Variants in CLSTN2 observed in about 807,000 individuals in gnomAD.
CLSTN2 encodes calsyntenin 2.
CLSTN2 carries 48 observed loss-of-function variants against 101.2 expected under a neutral mutation model. The ratio of observed to expected loss-of-function variants is 0.47; its 90% CI spans 0.38 to 0.60. The LOEUF (loss-of-function observed/expected upper bound fraction) is 0.60, where lower values mean the gene tolerates loss of function less well. CLSTN2 is among the 20% of genes least tolerant of loss of function. The pLI is 0.00. For synonymous variants in CLSTN2, 481 were observed against 463.6 expected, an observed-to-expected ratio of 1.04 and a Z score of -0.48; for missense variants, 1,160 against 1,238.2, an observed-to-expected ratio of 0.94 and a Z score of 0.95.
At chr3:140,216,253 C>T (rs939079387) in intron 2 of CLSTN2, among the ~76,000 whole-genome samples, 2 of 152,126 alleles carry the variant, frequency 1.3e-5, no homozygotes, top group African/African-American at 2.4e-5. Context: ...TCCATGAAAC[C>T]GGTCCCTAGT....
chr3:140,463,947 G>A (rs779115861), intron 7 of CLSTN2, among the ~76,000 whole-genome samples: 7 of 152,126 alleles, frequency 4.6e-5, no homozygotes, highest in Non-Finnish European at 8.8e-5. Flanking sequence ...AGCATCTTTC[G>A]CATGAGGAAT....
chr3:140,098,368 A>G (rs563834521), intron 1 of CLSTN2, among the ~76,000 whole-genome samples: 1 of 152,318 alleles, frequency 6.6e-6, no homozygotes, highest in East Asian at 1.9e-4. Flanking sequence ...TTTCCACACC[A>G]TTAAATTTTA....
intron 1 of CLSTN2, among the ~76,000 whole-genome samples, chr3:140,162,474 G>A (rs1222058608): frequency 6.6e-6 from 1 of 152,176 alleles, no homozygotes; most frequent in Non-Finnish European, 1.5e-5. Context: ...GCCCCTGTCA[G>A]TGGTGCCTGA....
chr3:140,471,988 A>G (rs1409604355), intron 8 of CLSTN2, among the ~76,000 whole-genome samples: 1 of 152,224 alleles, frequency 6.6e-6, no homozygotes, highest in African/African-American at 2.4e-5. Context: ...AAAGCCACAC[A>G]ATAATGTGTC....
At chr3:139,989,791 C>T (rs1434270459) in intron 1 of CLSTN2, among the ~76,000 whole-genome samples, 5 of 152,192 alleles carry the variant, frequency 3.3e-5, no homozygotes, top group South Asian at 4.1e-4. Context: ...TCCCACCACC[C>T]GGCCAGTCCA....
intron 1 of CLSTN2, among the ~76,000 whole-genome samples, chr3:140,138,738 T>C (rs1359927430): frequency 6.6e-6 from 1 of 152,242 alleles, no homozygotes; most frequent in Admixed American, 6.5e-5. Flanking sequence ...GGTTCTCCTC[T>C]GCTCCTGGTT....
rs145341950 is a variant in CLSTN2 at position 140,266,110 on chromosome 3, G to A, written c.232+90037G>A. ...AAACAGAGGTGCTGGATTGCTGAGGGTGAATTCCCATATCCTGTGTCTGAT... is the reference window on the plus strand; with the variant it reads ...AAACAGAGGTGCTGGATTGCTGAGGATGAATTCCCATATCCTGTGTCTGAT... On this transcript the variant is annotated intron_variant, in intron 2 of 16. Transcript: ENST00000458420. 1.9e-3 allele frequency among the ~76,000 whole-genome samples: 293 copies of A among 152,212 alleles called. 1 individual carries two copies. Among genetic ancestry groups the A allele is most frequent in the Admixed American group, 6.3e-3 (96 of 15,288 alleles).
intron 2 of CLSTN2, among the ~76,000 whole-genome samples, chr3:140,236,190 A>G (rs140799577): frequency 8.5e-4 from 129 of 152,280 alleles, no homozygotes; most frequent in African/African-American, 3.0e-3. Context: ...CTAAATATCA[A>G]TTTTTTGTGC....
intron 5 of CLSTN2, among the ~76,000 whole-genome samples, chr3:140,438,446 A>AAAAAG (rs1205810010): frequency 3.3e-5 from 5 of 149,910 alleles, no homozygotes; most frequent in Admixed American, 6.6e-5. Flanking sequence ...AAAAAAAAAA[A>AAAAAG]AAAAAAAGCT....
intron 2 of CLSTN2, among the ~76,000 whole-genome samples, chr3:140,379,816 C>T (rs994758454): frequency 5.9e-5 from 9 of 152,008 alleles, no homozygotes; most frequent in African/African-American, 2.2e-4. Flanking sequence ...AATGAAGATG[C>T]AGGGTACAGA....
At chr3:140,418,781 G>T (rs1002298180) in intron 4 of CLSTN2, among the ~76,000 whole-genome samples, 2 of 152,080 alleles carry the variant, frequency 1.3e-5, no homozygotes. Flanking sequence ...CTCCCAAAGT[G>T]CTGGGATTGC....
At chr3:140,339,480 G>A (rs1292200859) in intron 2 of CLSTN2, among the ~76,000 whole-genome samples, 1 of 152,108 alleles carries the variant, frequency 6.6e-6, no homozygotes. Context: ...CCATCATAGT[G>A]GTTTTCAAAT....
intron 2 of CLSTN2, among the ~76,000 whole-genome samples, chr3:140,289,095 G>C (rs560220255): frequency 1.3e-5 from 2 of 152,292 alleles, no homozygotes; most frequent in South Asian, 4.1e-4. Context: ...GGTAGCCCCA[G>C]TGTAGCTAAT....
At chr3:140,171,756 A>T (rs1376950031) in intron 1 of CLSTN2, among the ~76,000 whole-genome samples, 2 of 80,126 alleles carry the variant, frequency 2.5e-5, no homozygotes, top group African/African-American at 9.4e-5. Context: ...TAATATGTAT[A>T]ATATATAATA....
At chr3:140,463,025 G>T (rs1202655525) in intron 7 of CLSTN2, among the ~76,000 whole-genome samples, 1 of 152,204 alleles carries the variant, frequency 6.6e-6, no homozygotes, top group East Asian at 1.9e-4. Flanking sequence ...AGGGTTAGGT[G>T]AACACATAGC....
At chr3:140,548,822 AG>A (rs1935654935) in intron 10 of CLSTN2, among the ~76,000 whole-genome samples, 2 of 152,302 alleles carry the variant, frequency 1.3e-5, no homozygotes, top group African/African-American at 4.8e-5. Context: ...AAGCCACTGA[AG>A]GCTCAGGCAA....
chr3:140,146,685 T>C (rs1238256644), intron 1 of CLSTN2, among the ~76,000 whole-genome samples: 1 of 152,196 alleles, frequency 6.6e-6, no homozygotes, highest in African/African-American at 2.4e-5. Context: ...GTAATGGTGC[T>C]GGGAATAAAA....
chr3:140,217,775 A>T (rs1374544695), intron 2 of CLSTN2, among the ~76,000 whole-genome samples: 1 of 152,248 alleles, frequency 6.6e-6, no homozygotes, highest in East Asian at 1.9e-4. Flanking sequence ...GAAAACCAGA[A>T]CACTATTGTT....
chr3:140,266,024 G>A lies in CLSTN2; in HGVS notation c.232+89951G>A, dbSNP rs565802486. ...GCTAAGGACAGACCCACTGTGATTC[G>A]TGGGTGCCCTAACAAACCTTCCAGT... On this transcript the variant is annotated intron_variant, in intron 2 of 16. Coordinates refer to ENST00000458420, the MANE Select transcript of CLSTN2 (RefSeq NM_022131.3). Among the ~76,000 whole-genome samples, 19 of 152,270 alleles carry A rather than the reference G, an allele frequency of 1.2e-4. 1 individual carries two copies. Among genetic ancestry groups the A allele is most frequent in the Admixed American group, 9.2e-4 (14 of 15,292 alleles).
Sources: allele counts gnomAD v4.1 joint callset (sites outside exome capture counted in the v4.1 genomes callset), GRCh38; gene constraint gnomAD v4.1.1; transcripts MANE v1.5; gene names NCBI Gene and HGNC (gene_info 2026-07-23, HGNC 2026-07-21).